MYO10: variants seen among roughly 807,000 people sequenced by gnomAD.
MYO10 encodes the protein unconventional myosin-X.
Under a neutral mutation model 257.3 loss-of-function variants are expected in MYO10, and 133 were observed. That is an observed-to-expected ratio of 0.52 (90% CI 0.45 to 0.60). The LOEUF is 0.60. Ranked by LOEUF, MYO10 falls within the 20% of genes least tolerant of loss-of-function variation. The pLI, the probability that MYO10 is intolerant of heterozygous loss-of-function variation, is 0.00. For synonymous variants in MYO10, 1,104 were observed against 1,028.6 expected, an observed-to-expected ratio of 1.07 and a Z score of -1.40; for missense variants, 2,399 against 2,635.7, an observed-to-expected ratio of 0.91 and a Z score of 1.97.
intron 21 of MYO10, 137 bp downstream of exon 21, chr5:16,710,771 G>T (rs1191959001): frequency 2.8e-6 from 2 of 710,232 alleles, no homozygotes; most frequent in Admixed American, 5.2e-5. Context: ...AAAGGTTATG[G>T]TAGGCATGGC....
In MYO10 at chr5:16,703,782, T is replaced by C. The variant is rs190901940; in HGVS notation, c.2277-624A>G. ...CTATAGTCTCAGCTACTTGGGAGGC[T>C]GAGGCAGGAGAATCACTTGAACCCG... On this transcript the variant is annotated intron_variant, in intron 22 of 40. Coordinates refer to ENST00000513610, the MANE Select transcript of MYO10 (RefSeq NM_012334.3). 3.0e-3 allele frequency among the ~76,000 whole-genome samples: 442 copies of C among 148,594 alleles called. 4 individuals are homozygous for C. Among genetic ancestry groups the C allele is most frequent in the African/African-American group, 0.011 (428 of 40,184 alleles).
At chr5:16,847,261 T>C (rs1324145280) in intron 2 of MYO10, among the ~76,000 whole-genome samples, 2 of 151,842 alleles carry the variant, frequency 1.3e-5, no homozygotes, top group East Asian at 3.9e-4. Context: ...CCGTCTCTAT[T>C]AAAATACAAA....
At chr5:16,827,195 C>T (rs984615741) in intron 2 of MYO10, among the ~76,000 whole-genome samples, 3 of 151,908 alleles carry the variant, frequency 2.0e-5, no homozygotes, top group African/African-American at 7.3e-5. Context: ...TGCTAGCGTG[C>T]GGAGGAAAAA....
chr5:16,924,913 C>T (rs1269090595), intron 1 of MYO10, among the ~76,000 whole-genome samples: 2 of 147,026 alleles, frequency 1.4e-5, no homozygotes, highest in Non-Finnish European at 3.0e-5. Flanking sequence ...TCACTGCAAG[C>T]TCCGCCTCCC....
chr5:16,736,350 C>A (rs1032982036), intron 19 of MYO10, among the ~76,000 whole-genome samples: 3 of 152,180 alleles, frequency 2.0e-5, no homozygotes, highest in African/African-American at 4.8e-5. Context: ...CTCTAGCACG[C>A]CCCAGATAGC....
At chr5:16,697,671 C>G (rs1473111325) in intron 26 of MYO10, among the ~76,000 whole-genome samples, 2 of 148,048 alleles carry the variant, frequency 1.4e-5, no homozygotes, top group African/African-American at 5.0e-5. Context: ...GCACTCCAGC[C>G]TGGGCAACAG....
At chr5:16,747,940 A>AAG (rs1740254333) in intron 19 of MYO10, among the ~76,000 whole-genome samples, 1 of 123,498 alleles carries the variant, frequency 8.1e-6, no homozygotes, top group Non-Finnish European at 1.5e-5. Flanking sequence ...AAAAAAAAAA[A>AAG]AAAAAAGAAA....
rs112977522 is a variant in MYO10 at position 16,806,635 on chromosome 5, A to T, written c.279+11374T>A. Among the ~76,000 whole-genome samples, 850 of 134,736 alleles carry T rather than the reference A, an allele frequency of 6.3e-3. 10 individuals carry two copies. Among genetic ancestry groups the T allele is most frequent in the African/African-American group, 0.023 (797 of 34,366 alleles). The allele number at this position is 134,736 out of a possible 152,430, so 88.4% of individuals were successfully genotyped here. The stretch of plus-strand genomic sequence containing the variant: ...TGCACTCCAACCTGGGCGACAGAGC[A>T]AGACTCCGTCTCAAAAAAAAAAAAA... On this transcript the variant is annotated intron_variant, in intron 3 of 40. Transcript: ENST00000513610.
chr5:16,800,183 AATGC>A (rs1390896460), intron 3 of MYO10, among the ~76,000 whole-genome samples: 1 of 152,140 alleles, frequency 6.6e-6, no homozygotes, highest in African/African-American at 2.4e-5. Flanking sequence ...CTTACAATAA[AATGC>A]ATGCTTCATC....
At chr5:16,906,204 G>A (rs1405629094) in intron 1 of MYO10, among the ~76,000 whole-genome samples, 2 of 152,116 alleles carry the variant, frequency 1.3e-5, no homozygotes, top group Admixed American at 6.5e-5. Flanking sequence ...CAGGGGTAGG[G>A]TCCAGAATGG....
chr5:16,680,794 A>G (rs1189226186), intron 32 of MYO10, among the ~76,000 whole-genome samples: 2 of 152,202 alleles, frequency 1.3e-5, no homozygotes, highest in Non-Finnish European at 1.5e-5. Context: ...CAATGATGGA[A>G]AACAGCCTGG....
chr5:16,713,939 G>A lies in MYO10; in HGVS notation c.1930-2694C>T, dbSNP rs186596176. On this transcript the variant is annotated intron_variant, in intron 19 of 40. Transcript: ENST00000513610. ...GTACCGACAGGGAAGTCTCGATGGC[G>A]ACAAATAGGTTGGAGTTTGGAAGAA... Among the ~76,000 whole-genome samples, 205 of 152,282 alleles carry A rather than the reference G, an allele frequency of 1.3e-3. 1 individual carries two copies. Among genetic ancestry groups the A allele is most frequent in the Non-Finnish European group, 2.4e-3 (163 of 68,030 alleles).
At chr5:16,817,848 T>C (rs765585853) in intron 3 of MYO10, among the ~76,000 whole-genome samples, 161 bp downstream of exon 3, 2 of 152,178 alleles carry the variant, frequency 1.3e-5, no homozygotes, top group Non-Finnish European at 2.9e-5. Flanking sequence ...TAGGAAAACA[T>C]GATTTTTGAC....
rs746751894 is a variant in MYO10 at position 16,762,115 on chromosome 5, T to TAAAAAAAAAAAAA, written c.1588-15_1588-3dup. On this transcript the variant is annotated splice_polypyrimidine_tract_variant and splice_region_variant and intron_variant, in intron 15 of 40. Coordinates refer to ENST00000513610, the MANE Select transcript of MYO10 (RefSeq NM_012334.3). ...GGGCTTCACATAAAAGTGGTTATTC[T>TAAAAAAAAAAAAA]AAAAAAAAAAAAAAAAAAAAAAAAA... The TAAAAAAAAAAAAA allele has an allele frequency of 1.1e-5, 6 of 567,622 alleles. No homozygotes were observed. In the African/African-American group the frequency reaches 1.7e-4, roughly 16 times the overall value. 35.2% of individuals were successfully genotyped at this position (567,622 alleles called of 1,614,324 possible).
intron 2 of MYO10, among the ~76,000 whole-genome samples, chr5:16,832,610 G>A (rs907497986): frequency 3.3e-5 from 5 of 152,126 alleles, no homozygotes; most frequent in African/African-American, 4.8e-5. Flanking sequence ...TCTCACCTCT[G>A]AGGGCCCTTT....
chr5:16,811,869 G>T (rs953106150), intron 3 of MYO10, among the ~76,000 whole-genome samples: 2 of 152,124 alleles, frequency 1.3e-5, no homozygotes. Flanking sequence ...AACCCTGATT[G>T]ATCTCATGCC....
intron 2 of MYO10, among the ~76,000 whole-genome samples, chr5:16,835,119 G>T (rs1228368619): frequency 1.3e-5 from 2 of 152,124 alleles, no homozygotes; most frequent in Non-Finnish European, 2.9e-5. Context: ...GGAGGTTGCA[G>T]TAAGTCGAGA....
rs1026608904 is a variant in MYO10, at chr5:16,734,639, T to C, written c.1929+20189A>G. Among the ~76,000 whole-genome samples, 3 of 152,188 alleles carry C rather than the reference T, an allele frequency of 2.0e-5. No homozygotes were observed. The South Asian group carries it at 6.2e-4, about 32-fold the overall frequency. ...GGCCAACATGGTGAAACCCCGTCTCTACTAAAAATACAAAAATTAGCCGGA... is the reference window on the plus strand; with the variant it reads ...GGCCAACATGGTGAAACCCCGTCTCCACTAAAAATACAAAAATTAGCCGGA... On this transcript the variant is annotated intron_variant, in intron 19 of 40. Coordinates refer to ENST00000513610, the MANE Select transcript of MYO10 (RefSeq NM_012334.3).
intron 19 of MYO10, chr5:16,741,999 C>T: frequency 1.0e-6 from 1 of 985,398 alleles, no homozygotes; most frequent in Non-Finnish European, 1.2e-6. Context: ...GGAAGTCCAG[C>T]CTGGCGAGGC....
Sources: gnomAD v4.1 joint callset for allele counts (sites outside exome capture counted in the v4.1 genomes callset) on GRCh38, gnomAD v4.1.1 for gene constraint, MANE v1.5 for transcripts, NCBI Gene and HGNC (gene_info 2026-07-23, HGNC 2026-07-21) for gene names.